SLCO4A1: variants seen among roughly 807,000 people sequenced by gnomAD.
The protein encoded by SLCO4A1 is solute carrier organic anion transporter family member 4A1, also known as colon organic anion transporter.
SLCO4A1 carries 51 observed loss-of-function variants against 64.6 expected under a neutral mutation model. The observed-to-expected ratio is 0.79, with a 90% CI of 0.63 to 1.00. SLCO4A1 has a LOEUF of 1.00. SLCO4A1 is among the 50% of genes least tolerant of loss of function. SLCO4A1 has a pLI of 0.00. For synonymous variants in SLCO4A1, 471 were observed against 444.9 expected (o/e 1.06, Z -0.74); for missense variants, 919 against 980.5 (o/e 0.94, Z 0.84).
Position 62,661,274 on chromosome 20 carries a change from A to C in SLCO4A1, c.1121+99A>C. On this transcript the variant is annotated intron_variant, in intron 5 of 11. Transcript: ENST00000217159. The surrounding 1 kb of genome is among the most constrained non-coding windows in gnomAD (Gnocchi z 5.2). ...AGACCCCTCCGGGATCATGATGGGGACGCAGCCCCTAACCTCTGTCGTGAC... is the reference window on the plus strand; with the variant it reads ...AGACCCCTCCGGGATCATGATGGGGCCGCAGCCCCTAACCTCTGTCGTGAC... 2.4e-6 allele frequency: 2 copies of C among 817,532 alleles called. No individual in the cohort carries two copies. The highest frequency in any genetic ancestry group is 4.2e-6 in the Non-Finnish European group (2 of 477,258). 50.6% of individuals were successfully genotyped at this position (817,532 alleles called of 1,614,324 possible). A position where few individuals can be genotyped will look rare whatever the true frequency, so the allele number is the denominator to read the frequency against.
intron 1 of SLCO4A1, among the ~76,000 whole-genome samples, chr20:62,642,847 CG>C (rs953624601): frequency 2.0e-5 from 3 of 152,194 alleles, no homozygotes; most frequent in Admixed American, 1.3e-4. Flanking sequence ...CAGCGGGTGC[CG>C]GGGGGAAGCG....
chr20:62,677,962 A>C lies in SLCO4A1; in HGVS notation n.212-7479A>C, dbSNP rs74344516. 8.7e-3 allele frequency among the ~76,000 whole-genome samples: 1,318 copies of C among 152,308 alleles called. 18 individuals are homozygous for C. The highest frequency in any genetic ancestry group is 0.03 in the African/African-American group (1,245 of 41,558). On this transcript the variant is annotated intron_variant and non_coding_transcript_variant, in intron 2 of 2. Transcript: ENST00000466818. ...GGGAATCAGCCCTTCCCACCTAGCC[A>C]CACCTGCAGATTTGGGAAGGAAAGA...
intron 1 of SLCO4A1, among the ~76,000 whole-genome samples, chr20:62,647,002 C>T (rs1981462192): frequency 6.6e-6 from 1 of 152,384 alleles, no homozygotes; most frequent in South Asian, 2.1e-4. Context: ...CCCTGGCTCC[C>T]TCTTGCTCAG....
intron 1 of SLCO4A1, chr20:62,649,234 C>T (rs1981970329): frequency 6.6e-6 from 1 of 152,274 alleles, no homozygotes; most frequent in Non-Finnish European, 1.5e-5. Flanking sequence ...AGCCCAAAGG[C>T]AGGAAAAGAC....
rs1341499346 is a variant in SLCO4A1, at chr20:62,685,046, G to A, written n.212-395G>A. Among the ~76,000 whole-genome samples, 2 of 152,132 alleles carry A rather than the reference G, an allele frequency of 1.3e-5. No homozygotes were observed. The highest frequency in any genetic ancestry group is 6.5e-5 in the Admixed American group (1 of 15,272). On this transcript the variant is annotated intron_variant and non_coding_transcript_variant, in intron 2 of 2. Coordinates refer to the SLCO4A1 transcript ENST00000466818. The surrounding 1 kb of genome is among the most constrained non-coding windows in gnomAD (Gnocchi z 4.6). ...ACCAGTAATGGGGCGGATTAGCAGG[G>A]GCCAAGGGTCTGGGGTGAGGCCACA...
intron 11 of SLCO4A1, chr20:62,669,975 A>G (rs1372095444): frequency 6.6e-6 from 1 of 152,274 alleles, no homozygotes; most frequent in Admixed American, 6.5e-5. Context: ...GGTCCACCAC[A>G]GTCTGAATGT....
chr20:62,688,718 G>T (rs1988141001), downstream of SLCO4A1, among the ~76,000 whole-genome samples: 1 of 152,202 alleles, frequency 6.6e-6, no homozygotes, highest in Admixed American at 6.5e-5. Flanking sequence ...CCCCTGACTT[G>T]GGTTGTGTCC....
chr20:62,689,401 G>A (rs997832995), downstream of SLCO4A1, among the ~76,000 whole-genome samples: 8 of 152,214 alleles, frequency 5.3e-5, no homozygotes, highest in Non-Finnish European at 1.2e-4. Context: ...CGGTGCTCGT[G>A]CAGAAGCCAG....
chr20:62,676,231 G>A (rs1207180888), downstream of SLCO4A1, among the ~76,000 whole-genome samples: 3 of 152,002 alleles, frequency 2.0e-5, no homozygotes, highest in Non-Finnish European at 2.9e-5. Flanking sequence ...ACTGGGCAAC[G>A]TAGCGAAACC....
intron 2 of SLCO4A1, among the ~76,000 whole-genome samples, chr20:62,682,649 C>CCACA (rs10552847): frequency 0.027 from 4,033 of 150,774 alleles, 67 homozygotes; most frequent in Middle Eastern, 0.048. Context: ...GACCATGTGA[C>CCACA]CACACACACA....
At chr20:62,654,019 C>T (rs993951305) in intron 1 of SLCO4A1, among the ~76,000 whole-genome samples, 1 of 152,050 alleles carries the variant, frequency 6.6e-6, no homozygotes, top group Non-Finnish European at 1.5e-5. Flanking sequence ...TGCACATGTA[C>T]CCTAGAACTT....
At chr20:62,668,434 A>G (rs778689675) in intron 9 of SLCO4A1, 43 bp from the exon 10 acceptor site, 16 of 1,594,690 alleles carry the variant, frequency 1.0e-5, no homozygotes, top group Admixed American at 8.3e-5. Context: ...TTGGCATGCA[A>G]CCCCACTTCT....
chr20:62,660,311 G>A, intron 3 of SLCO4A1, 101 bp from the exon 4 acceptor site: 1 of 1,396,494 alleles, frequency 7.2e-7, no homozygotes, highest in Admixed American at 2.2e-5. Flanking sequence ...GACAGACCCT[G>A]GAGGTCTGCC....
downstream of SLCO4A1, among the ~76,000 whole-genome samples, chr20:62,674,235 TG>T (rs1303415269): frequency 6.6e-6 from 1 of 152,058 alleles, no homozygotes; most frequent in Non-Finnish European, 1.5e-5. Flanking sequence ...GTGTGGGTGT[TG>T]GGGCACAGCT....
Position 62,644,194 on chromosome 20 carries a change from C to T in SLCO4A1, c.-97+1641C>T, listed in dbSNP as rs1980909519. 6.6e-6 allele frequency among the ~76,000 whole-genome samples: 1 copy of T among 152,240 alleles called. No individual in the cohort carries two copies. Among genetic ancestry groups the T allele is most frequent in the Admixed American group, 6.5e-5 (1 of 15,286 alleles). ...GCCGAGACCACACAGCCCGACTTCC[C>T]TCTGTGCTGCTGGAGGGAGCCAGGG... On this transcript the variant is annotated intron_variant, in intron 1 of 11. Transcript: ENST00000217159. This position sits in a 1 kb window ranked among gnomAD's most constrained non-coding sequence, Gnocchi z 5.4.
Position 62,671,910 on chromosome 20 carries a change from C to G in SLCO4A1, c.*17C>G. Reference sequence around the variant, plus strand: ...AGCGTCTGACCACCGCCCGCGCCCACCCGGCCACGGCGGGCACTCAGCATT... The same window carrying G: ...AGCGTCTGACCACCGCCCGCGCCCAGCCGGCCACGGCGGGCACTCAGCATT... On this transcript the variant is annotated 3_prime_UTR_variant, in exon 12 of 12. Transcript: ENST00000217159. The G allele has an allele frequency of 6.2e-7, 1 of 1,608,558 alleles. No homozygotes were observed. Among genetic ancestry groups the G allele is most frequent in the South Asian group, 1.1e-5 (1 of 91,088 alleles).
At position 62,668,127 on chromosome 20, in the gene SLCO4A1, T is replaced by G. The variant is rs1304655199; in HGVS notation, c.1754T>G (p.Phe585Cys). The G allele has an allele frequency of 4.3e-6, 7 of 1,613,986 alleles. No individual in the cohort carries two copies. The highest frequency in any genetic ancestry group is 5.9e-6 in the Non-Finnish European group (7 of 1,180,038). The change falls in exon 9 of 12, where the codon TTC becomes TGC. Residue 585 changes from phenylalanine (F) to cysteine (C), a missense_variant. Phe to Cys is a radical substitution (Grantham distance 205). Transcript: ENST00000217159. ...AAGCCCCTCCTTCTGGTTTTCATATTCGTTGTAATTTTCTTTACATTCCTC... is the reference window on the plus strand; with the variant it reads ...AAGCCCCTCCTTCTGGTTTTCATATGCGTTGTAATTTTCTTTACATTCCTC... Reference protein sequence around the residue: ...QRKPLLLVFIFVVIFFTFLSS... With the variant: ...QRKPLLLVFICVVIFFTFLSS...
At chr20:62,653,823 A>T (rs1983092421) in intron 1 of SLCO4A1, among the ~76,000 whole-genome samples, 1 of 148,192 alleles carries the variant, frequency 6.7e-6, no homozygotes, top group African/African-American at 2.5e-5. Context: ...TCTCACTCAT[A>T]GGTGGAAATT....
chr20:62,645,889 A>G lies in SLCO4A1; in HGVS notation c.-97+3336A>G, dbSNP rs545132309. 1.3e-5 allele frequency among the ~76,000 whole-genome samples: 2 copies of G among 152,032 alleles called. No individual in the cohort carries two copies. The highest frequency in any genetic ancestry group is 3.9e-4 in the East Asian group (2 of 5,114). On this transcript the variant is annotated intron_variant, in intron 1 of 11. Transcript: ENST00000217159. The surrounding 1 kb of genome is among the most constrained non-coding windows in gnomAD (Gnocchi z 4.2). ...GCATTGCCCCTCTGGCCCAAGCCGC[A>G]GGGAGAGCTTGCGATGCTTTGGGTG...
Sources: allele counts gnomAD v4.1 joint callset (sites outside exome capture counted in the v4.1 genomes callset), GRCh38; gene constraint gnomAD v4.1.1; non-coding constraint Gnocchi (gnomAD v3.1); transcripts MANE v1.5; gene names NCBI Gene and HGNC (gene_info 2026-07-23, HGNC 2026-07-21).